The following GDA variants were observed in gnomAD, a reference collection of about 807,000 sequenced individuals.
The protein encoded by GDA is guanine deaminase, also known as cytoplasmic PSD-95 interactor.
Under a neutral mutation model 59.6 loss-of-function variants are expected in GDA, and 18 were observed. The ratio of observed to expected loss-of-function variants is 0.30; its 90% CI spans 0.21 to 0.45. GDA has a LOEUF of 0.45. Ranked by LOEUF, GDA falls within the 20% of genes least tolerant of loss-of-function variation. The pLI, the probability that GDA is intolerant of heterozygous loss-of-function variation, is 1.00. For synonymous variants in GDA, 201 were observed against 201.1 expected (o/e 1.00, Z 0.00); for missense variants, 427 against 552.3 (o/e 0.77, Z 2.27).
At chr9:72,252,687 G>T (rs1261173103), downstream of GDA, among the ~76,000 whole-genome samples, 1 of 152,116 alleles carries the variant, frequency 6.6e-6, no homozygotes, top group Non-Finnish European at 1.5e-5. Context: ...TGATTCCCCA[G>T]TTGGTTTCTT....
chr9:72,218,693 C>G (rs1836463187), intron 5 of GDA, among the ~76,000 whole-genome samples: 1 of 152,170 alleles, frequency 6.6e-6, no homozygotes, highest in African/African-American at 2.4e-5. Context: ...AGGTTCATCC[C>G]CAAGAGAACT....
chr9:72,181,452 G>A (rs1587511770), intron 1 of GDA, among the ~76,000 whole-genome samples: 1 of 152,220 alleles, frequency 6.6e-6, no homozygotes, highest in Admixed American at 6.5e-5. Flanking sequence ...AGCCTCCGGA[G>A]TAACTGGGAT....
chr9:72,220,120 A>G lies in GDA; in HGVS notation c.606+614A>G, dbSNP rs934524320. ...TTCAACCATAAAAAGGAAGGAAATC[A>G]TGCCATTTGTGACAATGTGGATGAA... On this transcript the variant is annotated intron_variant, in intron 6 of 13. Coordinates refer to ENST00000358399, the MANE Select transcript of GDA (RefSeq NM_004293.5). 4.6e-5 allele frequency among the ~76,000 whole-genome samples: 7 copies of G among 152,212 alleles called. No individual in the cohort carries two copies. In the East Asian group the frequency reaches 1.3e-3, roughly 29 times the overall value.
chr9:72,193,338 GC>G (rs1378091664), intron 1 of GDA, among the ~76,000 whole-genome samples: 2 of 152,198 alleles, frequency 1.3e-5, no homozygotes, highest in Non-Finnish European at 1.5e-5. Flanking sequence ...GCTTTAGGGG[GC>G]ACCCCAAGCC....
At chr9:72,186,293 C>T (rs1330958280) in intron 1 of GDA, among the ~76,000 whole-genome samples, 1 of 152,134 alleles carries the variant, frequency 6.6e-6, no homozygotes, top group Non-Finnish European at 1.5e-5. Context: ...ATCAGTCTTT[C>T]TTGTAGTCCT....
downstream of GDA, among the ~76,000 whole-genome samples, chr9:72,259,760 T>C (rs960913719): frequency 3.3e-5 from 5 of 152,188 alleles, no homozygotes; most frequent in African/African-American, 1.2e-4. Context: ...GGTTGAAGAA[T>C]ATCTTAAAGT....
intron 3 of GDA, 22 bp from the exon 4 acceptor site, chr9:72,210,665 G>A (rs375150689): frequency 1.1e-5 from 16 of 1,408,700 alleles, no homozygotes; most frequent in South Asian, 5.8e-5. Context: ...CGTGATTCGC[G>A]GTTTTTGTGA....
chr9:72,145,269 C>T (rs2130665649), upstream of GDA, among the ~76,000 whole-genome samples: 1 of 152,280 alleles, frequency 6.6e-6, no homozygotes, highest in East Asian at 1.9e-4. Flanking sequence ...TGACAGCCCA[C>T]AGTGCAGTGG....
chr9:72,170,195 A>G (rs1829786598), intron 1 of GDA, among the ~76,000 whole-genome samples: 1 of 152,252 alleles, frequency 6.6e-6, no homozygotes, highest in African/African-American at 2.4e-5. Context: ...GCTTATGAAA[A>G]CACATAATTA....
intron 3 of GDA, among the ~76,000 whole-genome samples, chr9:72,204,299 A>G (rs1834394705): frequency 6.6e-6 from 1 of 152,208 alleles, no homozygotes; most frequent in Non-Finnish European, 1.5e-5. Context: ...TTATTCTCAA[A>G]ATTTATTTAT....
chr9:72,256,036 T>C (rs774502269), downstream of GDA, among the ~76,000 whole-genome samples: 3 of 152,232 alleles, frequency 2.0e-5, no homozygotes, highest in African/African-American at 4.8e-5. Context: ...TGGCATAATT[T>C]AATCCAAAAG....
chr9:72,213,012 T>C (rs1835578475), intron 4 of GDA, among the ~76,000 whole-genome samples: 1 of 152,182 alleles, frequency 6.6e-6, no homozygotes, highest in Admixed American at 6.5e-5. Context: ...GGCTCACGCC[T>C]GCAATCCCAG....
intron 7 of GDA, among the ~76,000 whole-genome samples, chr9:72,224,809 CTTT>C (rs34656645): frequency 2.7e-3 from 366 of 135,968 alleles, no homozygotes; most frequent in East Asian, 5.1e-3. Context: ...TAGCCCAACC[CTTT>C]TTTTTTTTTT....
intron 1 of GDA, among the ~76,000 whole-genome samples, chr9:72,136,990 AAACAACAAC>A (rs143720929): frequency 6.6e-6 from 1 of 151,460 alleles, no homozygotes; most frequent in East Asian, 1.9e-4. Flanking sequence ...CTCAAAAAGA[AAACAACAAC>A]AACAACAACA....
intron 1 of GDA, among the ~76,000 whole-genome samples, chr9:72,162,035 A>G (rs1490401329): frequency 6.6e-6 from 1 of 152,206 alleles, no homozygotes; most frequent in Admixed American, 6.5e-5. Context: ...GTTTCCTTTC[A>G]GCCTGTGTAG....
At chr9:72,154,301 T>C (rs1263626525) in intron 1 of GDA, among the ~76,000 whole-genome samples, 1 of 152,216 alleles carries the variant, frequency 6.6e-6, no homozygotes, top group Non-Finnish European at 1.5e-5. Context: ...TCCTCATTTG[T>C]AGAGTCAGAT....
At position 72,126,034 on chromosome 9, in the gene GDA, G is replaced by T; in HGVS notation, c.-100+11201G>T. 1.3e-5 allele frequency among the ~76,000 whole-genome samples: 2 copies of T among 151,510 alleles called. 1 individual carries two copies. Among genetic ancestry groups the T allele is most frequent in the Non-Finnish European group, 2.9e-5 (2 of 67,878 alleles). On this transcript the variant is annotated intron_variant, in intron 1 of 13. Transcript: ENST00000545168. The stretch of plus-strand genomic sequence containing the variant: ...TGGGTTCAAGTGATTCTCCTGCCTC[G>T]GCCTCCTGAGTAGCTAGGACTAGAG...
At chr9:72,192,938 A>G (rs1275051693) in intron 1 of GDA, among the ~76,000 whole-genome samples, 2 of 152,138 alleles carry the variant, frequency 1.3e-5, no homozygotes, top group Non-Finnish European at 2.9e-5. Context: ...CATTATGCCA[A>G]TTGTATTTTT....
Position 72,225,772 on chromosome 9 carries a change from T to C in GDA, c.810T>C (p.Leu270=). 1 of 1,328,400 alleles carries C rather than the reference T, an allele frequency of 7.5e-7. No individual in the cohort carries two copies. The highest frequency in any genetic ancestry group is 1.9e-5 in the Admixed American group (1 of 52,152). 82.3% of individuals were successfully genotyped at this position (1,328,400 alleles called of 1,614,324 possible). Residue 270 remains leucine (L), a synonymous_variant, in exon 8 of 14, where the codon CTT becomes CTC. Coordinates refer to ENST00000358399, the MANE Select transcript of GDA (RefSeq NM_004293.5). ...NYTSVYDKNN[L]LTNKTVMAHG... is the part of the protein sequence containing the mutation. ...CATCTGTGTATGATAAAAACAATCT[T>C]TTGACAAATAAGGTAAGTTTTATAT...
Sources: gnomAD v4.1 joint callset for allele counts (sites outside exome capture counted in the v4.1 genomes callset) on GRCh38, gnomAD v4.1.1 for gene constraint, MANE v1.5 for transcripts, NCBI Gene and HGNC (gene_info 2026-07-23, HGNC 2026-07-21) for gene names.